The following HS3ST3B1 variants were observed in gnomAD, a reference collection of about 807,000 sequenced individuals.
HS3ST3B1 encodes the protein heparan sulfate glucosamine 3-O-sulfotransferase 3B1.
A neutral mutation model predicts 21.3 loss-of-function variants in HS3ST3B1; 13 were observed. The ratio of observed to expected loss-of-function variants is 0.61; its 90% CI spans 0.40 to 0.97. HS3ST3B1 has a LOEUF of 0.97. Among genes scored for constraint, HS3ST3B1 ranks in the 50% least tolerant of loss-of-function variants. The pLI is 0.00. For synonymous variants in HS3ST3B1, 234 were observed against 254.8 expected, an observed-to-expected ratio of 0.92 and a Z score of 0.78; for missense variants, 459 against 554.8, an observed-to-expected ratio of 0.83 and a Z score of 1.73.
intron 1 of HS3ST3B1, among the ~76,000 whole-genome samples, chr17:14,337,363 C>T (rs963858397): frequency 8.7e-5 from 13 of 150,136 alleles, no homozygotes; most frequent in South Asian, 2.1e-4. Flanking sequence ...AGTCTCTCTC[C>T]GTTGCCCAGG....
chr17:14,340,975 T>C (rs1212248941), intron 1 of HS3ST3B1, among the ~76,000 whole-genome samples: 1 of 152,132 alleles, frequency 6.6e-6, no homozygotes, highest in Non-Finnish European at 1.5e-5. Context: ...ATAATCAAAA[T>C]AAATTCTGAG....
chr17:14,340,934 C>A (rs1760677960), intron 1 of HS3ST3B1, among the ~76,000 whole-genome samples: 1 of 152,072 alleles, frequency 6.6e-6, no homozygotes, highest in African/African-American at 2.4e-5. Flanking sequence ...TTTATCACAG[C>A]AGTAGTTCCC....
rs1908908392 is a variant in HS3ST3B1 at position 14,301,330 on chromosome 17, G to T, written c.-189G>T. ...CCTGCCGGGCAACATGTCAAGAGCC[G>T]CCGCCGCTACAGCTGCCGCCGCCAC... On this transcript the variant is annotated 5_prime_UTR_variant, in exon 1 of 2. Coordinates refer to ENST00000360954, the MANE Select transcript of HS3ST3B1 (RefSeq NM_006041.3). 4 of 511,990 alleles carry T rather than the reference G, an allele frequency of 7.8e-6. No homozygotes were observed. Among genetic ancestry groups the T allele is most frequent in the Non-Finnish European group, 1.3e-5 (4 of 303,006 alleles). The allele number at this position is 511,990 out of a possible 1,614,324, so 31.7% of individuals were successfully genotyped here.
chr17:14,302,066 G>T lies in HS3ST3B1; in HGVS notation c.548G>T (p.Trp183Leu). ...FDRSYDKGLA[W>L]YRDLMPRTLD... ...CGCAGCTACGACAAGGGCCTCGCTTGGTACCGGTGAGTTTCCCTGCCAGGG... is the reference window on the plus strand; with the variant it reads ...CGCAGCTACGACAAGGGCCTCGCTTTGTACCGGTGAGTTTCCCTGCCAGGG... The change falls in exon 1 of 2, where the codon TGG becomes TTG. Residue 183 changes from tryptophan to leucine, a missense_variant. Transcript: ENST00000360954. 1 of 1,598,878 alleles carries T rather than the reference G, an allele frequency of 6.3e-7. No homozygotes were observed. Among genetic ancestry groups the T allele is most frequent in the Non-Finnish European group, 8.5e-7 (1 of 1,177,040 alleles).
chr17:14,339,128 C>T (rs904747893), intron 1 of HS3ST3B1, among the ~76,000 whole-genome samples: 1 of 152,068 alleles, frequency 6.6e-6, no homozygotes, highest in East Asian at 1.9e-4. Context: ...GCCAGGTTTA[C>T]GTGCTTTTCA....
chr17:14,318,104 G>A (rs1909554809), intron 1 of HS3ST3B1, among the ~76,000 whole-genome samples: 1 of 152,112 alleles, frequency 6.6e-6, no homozygotes, highest in Admixed American at 6.5e-5. Context: ...TCCTTGGGTA[G>A]CTTGGATGAC....
Position 14,301,688 on chromosome 17 carries a change from C to A in HS3ST3B1, c.170C>A (p.Ala57Asp), listed in dbSNP as rs1010435465. ...FLYSCAGSCA[A>D]APGLLLLGSG... ...TACTCGTGCGCCGGCTCCTGCGCCG[C>A]CGCGCCGGGGCTGCTGCTCCTGGGC... Residue 57 changes from alanine (A) to aspartate (D), a missense_variant, in exon 1 of 2, where the codon GCC (alanine) becomes GAC (aspartate). By Grantham distance (126) the Ala-to-Asp change is moderately radical. Around this residue, in one of 3 missense-constraint regions of HS3ST3B1, gnomAD observed 317 missense variants for 278.6 expected, o/e 1.14. Transcript: ENST00000360954. 3.7e-6 allele frequency: 6 copies of A among 1,600,876 alleles called. No individual in the cohort carries two copies. The African/African-American group carries it at 6.8e-5, about 18-fold the overall frequency.
chr17:14,332,544 A>G (rs1010426775), intron 1 of HS3ST3B1, among the ~76,000 whole-genome samples: 1 of 152,086 alleles, frequency 6.6e-6, no homozygotes, highest in South Asian at 2.1e-4. Context: ...TGGTCACCTG[A>G]GTAGGTGGAA....
At chr17:14,325,624 A>G (rs1256491323) in intron 1 of HS3ST3B1, among the ~76,000 whole-genome samples, 1 of 152,240 alleles carries the variant, frequency 6.6e-6, no homozygotes, top group African/African-American at 2.4e-5. Flanking sequence ...AGCGTGCTCT[A>G]AACAGTGCAA....
chr17:14,315,648 CCCTGT>C (rs1909474409), intron 1 of HS3ST3B1, among the ~76,000 whole-genome samples: 1 of 151,982 alleles, frequency 6.6e-6, no homozygotes, highest in South Asian at 2.1e-4. Context: ...CGTGGTGAAA[CCCTGT>C]TTCTGCTAAA....
At chr17:14,343,542 G>A (rs761177833) in intron 1 of HS3ST3B1, among the ~76,000 whole-genome samples, 2 of 152,048 alleles carry the variant, frequency 1.3e-5, no homozygotes, top group African/African-American at 2.4e-5. Context: ...CTTTTTCTGT[G>A]AGATCAACTT....
chr17:14,317,833 C>A (rs1359605092), intron 1 of HS3ST3B1, among the ~76,000 whole-genome samples: 1 of 152,068 alleles, frequency 6.6e-6, no homozygotes, highest in Non-Finnish European at 1.5e-5. Flanking sequence ...CATTCACAAG[C>A]TTTATATGAG....
At chr17:14,343,880 C>A (rs1435913440) in intron 1 of HS3ST3B1, among the ~76,000 whole-genome samples, 2 of 147,550 alleles carry the variant, frequency 1.4e-5, no homozygotes, top group Non-Finnish European at 3.0e-5. Flanking sequence ...CTGGATCTAA[C>A]CTCACTTAAT....
At position 14,301,405 on chromosome 17, in the gene HS3ST3B1, T is replaced by C; in HGVS notation, c.-114T>C. 1 of 1,001,312 alleles carries C rather than the reference T, an allele frequency of 1.0e-6. No individual in the cohort carries two copies. The highest frequency in any genetic ancestry group is 2.3e-5 in the South Asian group (1 of 42,590). The allele number at this position is 1,001,312 out of a possible 1,614,324, so 62.0% of individuals were successfully genotyped here. A position where few individuals can be genotyped will look rare whatever the true frequency, so the allele number is the denominator to read the frequency against. On this transcript the variant is annotated 5_prime_UTR_variant, in exon 1 of 2. The change abolishes the stop of an existing upstream ORF in the 5' untranslated region. Coordinates refer to ENST00000360954, the MANE Select transcript of HS3ST3B1 (RefSeq NM_006041.3). Reference sequence around the variant, plus strand: ...GGCGGCCGCGGGCACACGGGGGCAATAAACCGAGCCACCCGGGCGTCCAGC... The same window carrying C: ...GGCGGCCGCGGGCACACGGGGGCAACAAACCGAGCCACCCGGGCGTCCAGC...
chr17:14,314,971 G>A (rs1318165354), intron 1 of HS3ST3B1, among the ~76,000 whole-genome samples: 2 of 152,204 alleles, frequency 1.3e-5, no homozygotes, highest in African/African-American at 4.8e-5. Context: ...CCCAAGAGAG[G>A]CTGTGTGGAG....
Position 14,346,639 on chromosome 17 carries a change from C to G in HS3ST3B1, c.*993C>G, listed in dbSNP as rs1296470283. The G allele has an allele frequency of 6.6e-6, 1 of 152,282 alleles. No individual in the cohort carries two copies. Among genetic ancestry groups the G allele is most frequent in the Non-Finnish European group, 1.5e-5 (1 of 68,114 alleles). The allele number at this position is 152,282 out of a possible 1,614,324, so 9.4% of individuals were successfully genotyped here. On this transcript the variant is annotated 3_prime_UTR_variant, in exon 2 of 2. Transcript: ENST00000360954. Reference sequence around the variant, plus strand: ...GCCCTGTGTCCTCCTCTGCCCCATTCCCTGGTTCATTAACCAGTTTGAAGT... The same window carrying G: ...GCCCTGTGTCCTCCTCTGCCCCATTGCCTGGTTCATTAACCAGTTTGAAGT...
chr17:14,301,921 A>T lies in HS3ST3B1; in HGVS notation c.403A>T (p.Lys135Ter). The change falls in exon 1 of 2, where the codon AAG (lysine) becomes TAG (stop). Residue 135 changes from lysine to a stop codon, truncating the protein, a stop_gained. Transcript: ENST00000360954. LOFTEE classifies it high-confidence loss of function. ...CAGCTTTTTCAGTGGGTCTGGGAGC[A>T]AGCAGCTGCCGCAGGCCATCATCAT... ...ISSFFSGSGSKQLPQAIIIGV... is the reference protein window; with the variant it reads ...ISSFFSGSGS 2 of 1,609,544 alleles carry T rather than the reference A, an allele frequency of 1.2e-6. No individual in the cohort carries two copies. Among genetic ancestry groups the T allele is most frequent in the Non-Finnish European group, 1.7e-6 (2 of 1,178,654 alleles).
At chr17:14,318,198 G>A (rs1356242921) in intron 1 of HS3ST3B1, among the ~76,000 whole-genome samples, 2 of 152,134 alleles carry the variant, frequency 1.3e-5, no homozygotes, top group East Asian at 1.9e-4. Context: ...GGCTCCCCAG[G>A]CCAGCTTCTC....
chr17:14,348,646 C>T lies in HS3ST3B1; in HGVS notation c.*3000C>T, dbSNP rs887787409. 1 of 152,152 alleles carries T rather than the reference C, an allele frequency of 6.6e-6. No homozygotes were observed. The highest frequency in any genetic ancestry group is 2.4e-5 in the African/African-American group (1 of 41,428). 9.4% of individuals were successfully genotyped at this position (152,152 alleles called of 1,614,324 possible). ...TTTCTGTTTCGGCAATTTGTCCTGG[C>T]ACGTGTTTTGGACTTCCTCCGATTT... On this transcript the variant is annotated 3_prime_UTR_variant, in exon 2 of 2. Coordinates refer to ENST00000360954, the MANE Select transcript of HS3ST3B1 (RefSeq NM_006041.3).
Sources: allele counts gnomAD v4.1 joint callset (sites outside exome capture counted in the v4.1 genomes callset), GRCh38; gene constraint gnomAD v4.1.1; regional missense constraint gnomAD v4.1.1; transcripts MANE v1.5; gene names NCBI Gene and HGNC (gene_info 2026-07-23, HGNC 2026-07-21).